EPB41L3: variants seen among roughly 807,000 people sequenced by gnomAD.
The protein encoded by EPB41L3 is erythrocyte membrane protein band 4.1 like 3.
Under a neutral mutation model 127.1 loss-of-function variants are expected in EPB41L3, and 57 were observed. The ratio of observed to expected loss-of-function variants is 0.45; its 90% CI spans 0.36 to 0.56. EPB41L3 has a LOEUF of 0.56. Ranked by LOEUF, EPB41L3 falls within the 20% of genes least tolerant of loss-of-function variation. The pLI, the probability that EPB41L3 is intolerant of heterozygous loss-of-function variation, is 0.00. For missense variants in EPB41L3, 1,273 were observed against 1,372.2 expected (o/e 0.93, Z 1.14); for synonymous variants, 572 against 549.5 (o/e 1.04, Z -0.57).
At chr18:5,447,928 A>AT (rs536845775) in intron 3 of EPB41L3, among the ~76,000 whole-genome samples, 41 of 150,924 alleles carry the variant, frequency 2.7e-4, no homozygotes, top group Admixed American at 1.1e-3. Context: ...CACACTGAAG[A>AT]TTTTTTTTTT....
At chr18:5,437,908 T>C in intron 6 of EPB41L3, 127 bp downstream of exon 6, 1 of 739,242 alleles carries the variant, frequency 1.4e-6, no homozygotes, top group Non-Finnish European at 2.2e-6. Flanking sequence ...TTCATTTGCC[T>C]TTTGTTTGCC....
intron 5 of EPB41L3, among the ~76,000 whole-genome samples, chr18:5,441,526 C>T (rs1054684071): frequency 3.4e-5 from 5 of 148,540 alleles, no homozygotes; most frequent in East Asian, 2.0e-4. Context: ...AGCGCAGTGG[C>T]GCGATCTCGA....
intron 1 of EPB41L3, among the ~76,000 whole-genome samples, chr18:5,622,081 A>G (rs188852979): frequency 1.1e-3 from 165 of 152,222 alleles, no homozygotes; most frequent in Non-Finnish European, 2.0e-3. Flanking sequence ...AACATGAAAA[A>G]GGGCAAAAGA....
At chr18:5,399,039 G>A in intron 16 of EPB41L3, 1 of 399,174 alleles carries the variant, frequency 2.5e-6, no homozygotes. Flanking sequence ...GATCTTCATG[G>A]ACTCTGGTAT....
chr18:5,576,870 G>A lies in EPB41L3; in HGVS notation c.-306+35470C>T, dbSNP rs575894646. 4.0e-4 allele frequency among the ~76,000 whole-genome samples: 61 copies of A among 152,282 alleles called. 1 individual carries two copies. Among genetic ancestry groups the A allele is most frequent in the South Asian group, 3.3e-3 (16 of 4,824 alleles). The stretch of plus-strand genomic sequence containing the variant: ...TTGCAAAGTCTAAGCATAAGTACAC[G>A]GCATTCTTGTCTTTGGAGAGCATTC... On this transcript the variant is annotated intron_variant, in intron 3 of 21. Coordinates refer to the EPB41L3 transcript ENST00000545076.
intron 6 of EPB41L3, among the ~76,000 whole-genome samples, chr18:5,437,599 T>C (rs554439588): frequency 6.6e-6 from 1 of 152,360 alleles, no homozygotes; most frequent in African/African-American, 2.4e-5. Flanking sequence ...TCATTTTCCT[T>C]GTATATACAG....
At chr18:5,510,925 G>A (rs1397234808) in intron 1 of EPB41L3, among the ~76,000 whole-genome samples, 1 of 151,902 alleles carries the variant, frequency 6.6e-6, no homozygotes, top group Non-Finnish European at 1.5e-5. Flanking sequence ...AATAAAGGAG[G>A]AATAAAAATT....
At position 5,488,582 on chromosome 18, in the gene EPB41L3, GATAATA is replaced by G. The variant is rs765331687; in HGVS notation, c.183+413_183+418del. On this transcript the variant is annotated intron_variant, in intron 2 of 22. Transcript: ENST00000341928. The stretch of plus-strand genomic sequence containing the variant: ...GTATAATAATAATGATGATGATGAT[GATAATA>G]ATAATAATAATAATAATAAAAGCAG... 2.7e-5 allele frequency among the ~76,000 whole-genome samples: 4 copies of G among 148,906 alleles called. No homozygotes were observed. The South Asian group carries it at 6.5e-4, about 24-fold the overall frequency.
rs183639015 is a variant in EPB41L3, at chr18:5,611,698, T to C, written c.-306+642A>G. Among the ~76,000 whole-genome samples the C allele has an allele frequency of 7.2e-5, 11 of 152,108 alleles. No homozygotes were observed. In the East Asian group the frequency reaches 1.9e-3, roughly 27 times the overall value. On this transcript the variant is annotated intron_variant, in intron 3 of 21. Transcript: ENST00000545076. ...ATCCCAACATTTTAGGAGGCTGAGGTGGGAGGATCACATGAGCCCAGGAGT... is the reference window on the plus strand; with the variant it reads ...ATCCCAACATTTTAGGAGGCTGAGGCGGGAGGATCACATGAGCCCAGGAGT...
intron 1 of EPB41L3, among the ~76,000 whole-genome samples, chr18:5,537,474 A>G (rs1428753941): frequency 6.6e-6 from 1 of 152,202 alleles, no homozygotes; most frequent in Admixed American, 6.5e-5. Flanking sequence ...GGATAACTCC[A>G]TTAACTAAAG....
chr18:5,401,013 CT>C, intron 16 of EPB41L3: 7 of 1,534,600 alleles, frequency 4.6e-6, no homozygotes, highest in Non-Finnish European at 6.1e-6. Context: ...AAAAATATAA[CT>C]TTTTCAGAAA....
intron 3 of EPB41L3, among the ~76,000 whole-genome samples, chr18:5,449,382 A>C (rs149440907): frequency 0.01 from 1,571 of 152,330 alleles, 14 homozygotes; most frequent in Middle Eastern, 0.041. Flanking sequence ...CATTGCTGAC[A>C]AGAATGCAAA....
At chr18:5,412,493 T>G (rs924783811) in intron 13 of EPB41L3, among the ~76,000 whole-genome samples, 3 of 152,174 alleles carry the variant, frequency 2.0e-5, no homozygotes, top group African/African-American at 7.2e-5. Flanking sequence ...CCTAAAGTAT[T>G]GGGATTACAG....
upstream of EPB41L3, among the ~76,000 whole-genome samples, chr18:5,545,124 C>T (rs1205429869): frequency 6.6e-6 from 1 of 152,158 alleles, no homozygotes; most frequent in Non-Finnish European, 1.5e-5. Flanking sequence ...ATAATATACT[C>T]ATTTAGCAAA....
chr18:5,543,200 C>G lies in EPB41L3; in HGVS notation c.-12+713G>C, dbSNP rs556060421. Reference sequence around the variant, plus strand: ...CCCAGGGCAACCCCGCTTGGACGCTCCCTCCTCCTCCCCCACCGGCCGGGG... The same window carrying G: ...CCCAGGGCAACCCCGCTTGGACGCTGCCTCCTCCTCCCCCACCGGCCGGGG... On this transcript the variant is annotated intron_variant, in intron 1 of 22. Transcript: ENST00000341928. The surrounding 1 kb of genome is among the most constrained non-coding windows in gnomAD (Gnocchi z 5.2). The G allele has an allele frequency of 6.6e-6, 1 of 151,290 alleles. No individual in the cohort carries two copies. Among genetic ancestry groups the G allele is most frequent in the Non-Finnish European group, 1.5e-5 (1 of 67,694 alleles). The allele number at this position is 151,290 out of a possible 1,614,324, so 9.4% of individuals were successfully genotyped here.
chr18:5,546,429 G>T (rs967085002), upstream of EPB41L3, among the ~76,000 whole-genome samples: 2 of 152,088 alleles, frequency 1.3e-5, no homozygotes, highest in Non-Finnish European at 2.9e-5. Context: ...TACTCAGGAG[G>T]CTGAGGCAGA....
chr18:5,557,250 C>T (rs1195253857), intron 3 of EPB41L3, among the ~76,000 whole-genome samples: 1 of 152,212 alleles, frequency 6.6e-6, no homozygotes, highest in African/African-American at 2.4e-5. Flanking sequence ...TCTGAGGTAA[C>T]AGGCCTCAGA....
intron 3 of EPB41L3, among the ~76,000 whole-genome samples, chr18:5,564,181 G>A (rs1382869043): frequency 5.3e-5 from 8 of 152,136 alleles, no homozygotes; most frequent in Non-Finnish European, 8.8e-5. Context: ...GTGTATCAAG[G>A]AGTGAAAGAT....
At chr18:5,398,736 A>G (rs2074009333) in intron 16 of EPB41L3, 3 of 399,392 alleles carry the variant, frequency 7.5e-6, no homozygotes, top group Non-Finnish European at 8.8e-6. Context: ...CCATTCGGAC[A>G]GGCTCTTCCT....
Sources: allele counts gnomAD v4.1 joint callset (sites outside exome capture counted in the v4.1 genomes callset), GRCh38; gene constraint gnomAD v4.1.1; non-coding constraint Gnocchi (gnomAD v3.1); transcripts MANE v1.5; gene names NCBI Gene and HGNC (gene_info 2026-07-23, HGNC 2026-07-21).